Variants in RNLS observed in about 807,000 individuals in gnomAD.
The protein encoded by RNLS is renalase.
A neutral mutation model predicts 39.8 loss-of-function variants in RNLS; 39 were observed. That is an observed-to-expected ratio of 0.98 (90% CI 0.76 to 1.28). RNLS has a LOEUF of 1.28. Among genes scored for constraint, RNLS ranks in the 50% most tolerant of loss-of-function variants. The pLI is 0.00. For missense variants in RNLS, 410 were observed against 413.3 expected, an observed-to-expected ratio of 0.99 and a Z score of 0.07; for synonymous variants, 147 against 150.7, an observed-to-expected ratio of 0.98 and a Z score of 0.18.
intron 5 of RNLS, among the ~76,000 whole-genome samples, chr10:88,314,857 A>T (rs933993799): frequency 5.3e-5 from 8 of 152,228 alleles, no homozygotes; most frequent in African/African-American, 1.9e-4. Flanking sequence ...GTTTTAGTGA[A>T]AAATTGTCAG....
intron 4 of RNLS, among the ~76,000 whole-genome samples, chr10:88,380,338 A>AT (rs1190694277): frequency 3.7e-5 from 4 of 107,100 alleles, no homozygotes; most frequent in African/African-American, 1.3e-4. Flanking sequence ...CATTGTTTTC[A>AT]TTTTTTAGTC....
At chr10:88,294,895 T>C (rs1246340349) in intron 6 of RNLS, among the ~76,000 whole-genome samples, 1 of 152,138 alleles carries the variant, frequency 6.6e-6, no homozygotes, top group Non-Finnish European at 1.5e-5. Flanking sequence ...TAATTTTCTT[T>C]AGTTTCTGAG....
intron 3 of RNLS, among the ~76,000 whole-genome samples, chr10:88,580,948 T>C (rs1307021633): frequency 2.6e-5 from 4 of 152,168 alleles, no homozygotes; most frequent in Non-Finnish European, 5.9e-5. Flanking sequence ...TCGTTTGACA[T>C]AGCTATTCTT....
chr10:88,227,527 C>T, the RNLS span, among the ~76,000 whole-genome samples: 5 of 152,110 alleles, frequency 3.3e-5, no homozygotes, highest in East Asian at 1.9e-4. Flanking sequence ...AAGTTCACCA[C>T]GAGTGCACTC....
At chr10:88,417,503 G>A (rs539215043) in intron 4 of RNLS, among the ~76,000 whole-genome samples, 2 of 152,226 alleles carry the variant, frequency 1.3e-5, no homozygotes, top group Admixed American at 6.5e-5. Context: ...AGTCTACTAC[G>A]TTAATTTGAC....
At chr10:88,282,456 T>A (rs1164597622), downstream of RNLS, among the ~76,000 whole-genome samples, 2 of 149,942 alleles carry the variant, frequency 1.3e-5, no homozygotes, top group Non-Finnish European at 3.0e-5. Flanking sequence ...CACAGAGGTG[T>A]TAGGAGGATG....
intron 4 of RNLS, among the ~76,000 whole-genome samples, chr10:88,504,264 A>C (rs1317507815): frequency 2.0e-5 from 3 of 152,108 alleles, no homozygotes; most frequent in Non-Finnish European, 4.4e-5. Context: ...GTGCATGCAC[A>C]ATGGGTTATA....
chr10:88,240,534 T>C, the RNLS span, among the ~76,000 whole-genome samples: 1 of 152,328 alleles, frequency 6.6e-6, no homozygotes, highest in African/African-American at 2.4e-5. Context: ...TTTTGGTTAA[T>C]TGAATTACCA....
intron 4 of RNLS, among the ~76,000 whole-genome samples, chr10:88,541,999 G>C (rs1164076649): frequency 1.3e-5 from 2 of 152,120 alleles, no homozygotes; most frequent in African/African-American, 2.4e-5. Flanking sequence ...GGGAGAAGGA[G>C]AGAGATAAAA....
intron 5 of RNLS, chr10:88,343,646 T>G: frequency 1.0e-6 from 1 of 985,410 alleles, no homozygotes; most frequent in Non-Finnish European, 1.2e-6. Flanking sequence ...ATTCCATAGA[T>G]TCTGTCCATT....
intron 4 of RNLS, among the ~76,000 whole-genome samples, chr10:88,532,391 C>T (rs1243318630): frequency 6.6e-6 from 1 of 151,888 alleles, no homozygotes; most frequent in Non-Finnish European, 1.5e-5. Flanking sequence ...TAGTATACTG[C>T]TCCTATGGGA....
At chr10:88,472,457 C>T (rs541619363) in intron 4 of RNLS, among the ~76,000 whole-genome samples, 3 of 151,892 alleles carry the variant, frequency 2.0e-5, no homozygotes, top group African/African-American at 4.8e-5. Flanking sequence ...TAAAGCAGCA[C>T]GATAGGCATG....
At chr10:88,205,440 T>G in the RNLS span, among the ~76,000 whole-genome samples, 1 of 152,104 alleles carries the variant, frequency 6.6e-6, no homozygotes, top group Non-Finnish European at 1.5e-5. Flanking sequence ...TTATTTGAAG[T>G]TCCGCAGTAA....
the RNLS span, among the ~76,000 whole-genome samples, chr10:88,268,688 T>C: frequency 6.6e-6 from 1 of 152,240 alleles, no homozygotes; most frequent in East Asian, 1.9e-4. Flanking sequence ...GTGTTAACTT[T>C]ATTCTTGACC....
chr10:88,579,508 GAGA>G (rs1645567728), intron 3 of RNLS, among the ~76,000 whole-genome samples: 1 of 152,284 alleles, frequency 6.6e-6, no homozygotes, highest in East Asian at 1.9e-4. Flanking sequence ...AGGAGGGCAG[GAGA>G]AGGTCAGAGA....
intron 5 of RNLS, among the ~76,000 whole-genome samples, chr10:88,334,522 A>T (rs899030772): frequency 6.6e-6 from 1 of 152,216 alleles, no homozygotes; most frequent in African/African-American, 2.4e-5. Context: ...TGAAAGGATT[A>T]GAGTTACTGA....
chr10:88,441,299 T>C (rs1841699531), intron 4 of RNLS, among the ~76,000 whole-genome samples: 1 of 152,218 alleles, frequency 6.6e-6, no homozygotes, highest in South Asian at 2.1e-4. Flanking sequence ...AGCACTTATT[T>C]AGAGCAAGCC....
intron 4 of RNLS, among the ~76,000 whole-genome samples, chr10:88,485,543 T>C (rs1475200737): frequency 1.3e-5 from 2 of 150,854 alleles, no homozygotes; most frequent in Non-Finnish European, 3.0e-5. Flanking sequence ...ATCAAATCTA[T>C]GATAATAAAA....
chr10:88,280,385 AT>A, downstream of RNLS, among the ~76,000 whole-genome samples: 1 of 152,264 alleles, frequency 6.6e-6, no homozygotes, highest in South Asian at 2.1e-4. Flanking sequence ...GCCTTAAGGG[AT>A]TTACAACGTG....
Sources: gnomAD v4.1 joint callset for allele counts (sites outside exome capture counted in the v4.1 genomes callset) on GRCh38, gnomAD v4.1.1 for gene constraint, MANE v1.5 for transcripts, NCBI Gene and HGNC (gene_info 2026-07-23, HGNC 2026-07-21) for gene names.